Variants in ZNF143 observed in about 807,000 individuals in gnomAD.
ZNF143 encodes the protein SPH-binding factor.
Under a neutral mutation model 74.1 loss-of-function variants are expected in ZNF143, and 49 were observed. That is an observed-to-expected ratio of 0.66 (90% confidence interval 0.53 to 0.84). ZNF143 has a LOEUF of 0.84. Ranked by LOEUF, ZNF143 falls within the 40% of genes least tolerant of loss-of-function variation. The pLI is 0.00. For synonymous variants in ZNF143, 304 were observed against 282.8 expected (o/e 1.07, Z -0.75); for missense variants, 637 against 793.4 (o/e 0.80, Z 2.37).
intron 7 of ZNF143, among the ~76,000 whole-genome samples, chr11:9,484,799 G>GTTTTTTTGTTTT (rs1316309780): frequency 4.1e-5 from 1 of 24,244 alleles, no homozygotes; most frequent in Non-Finnish European, 7.1e-5. Flanking sequence ...CCTGGCCAAA[G>GTTTTTTTGTTTT]ATTTTTTTTT....
intron 14 of ZNF143, among the ~76,000 whole-genome samples, chr11:9,519,516 T>G (rs1375126953): frequency 2.0e-5 from 3 of 152,338 alleles, no homozygotes; most frequent in Non-Finnish European, 4.4e-5. Flanking sequence ...TGGGTTTTTC[T>G]ACTTAACGTT....
chr11:9,465,540 C>T (rs1856148579), intron 1 of ZNF143, among the ~76,000 whole-genome samples: 1 of 151,756 alleles, frequency 6.6e-6, no homozygotes, highest in South Asian at 2.1e-4. Context: ...CACTCTGTCG[C>T]CCAGGCTGGA....
intron 14 of ZNF143, among the ~76,000 whole-genome samples, chr11:9,518,116 G>T (rs10770037): frequency 1.2e-4 from 18 of 151,916 alleles, no homozygotes; most frequent in African/African-American, 4.1e-4. Flanking sequence ...AAATCATTCC[G>T]TTGCTCATTG....
At chr11:9,483,656 T>A (rs1490755057) in intron 7 of ZNF143, among the ~76,000 whole-genome samples, 1 of 150,648 alleles carries the variant, frequency 6.6e-6, no homozygotes, top group Non-Finnish European at 1.5e-5. Flanking sequence ...TAGGCTGGAG[T>A]GCAATGGTGC....
chr11:9,498,912 A>G (rs750109104), intron 10 of ZNF143, among the ~76,000 whole-genome samples: 3 of 152,202 alleles, frequency 2.0e-5, no homozygotes, highest in Non-Finnish European at 2.9e-5. Context: ...TTACTTTACA[A>G]CATTGAGGAA....
chr11:9,497,556 C>T, intron 9 of ZNF143, 119 bp from the exon 10 acceptor site: 1 of 774,390 alleles, frequency 1.3e-6, no homozygotes, highest in East Asian at 3.2e-5. Flanking sequence ...AATAGTTATT[C>T]TGTGTATTTG....
intron 11 of ZNF143, among the ~76,000 whole-genome samples, chr11:9,502,392 G>A (rs1368925946): frequency 1.3e-5 from 2 of 150,584 alleles, no homozygotes; most frequent in African/African-American, 2.5e-5. Context: ...AGCGGATCAC[G>A]AGGTCAGGAT....
chr11:9,522,465 T>C (rs765166417), intron 14 of ZNF143, among the ~76,000 whole-genome samples: 67 of 152,346 alleles, frequency 4.4e-4, no homozygotes, highest in South Asian at 1.0e-3. Context: ...GGTGTTGTCT[T>C]ACAAGTTGCT....
chr11:9,485,073 A>C (rs1233952735), intron 7 of ZNF143, among the ~76,000 whole-genome samples: 1 of 150,768 alleles, frequency 6.6e-6, no homozygotes, highest in African/African-American at 2.5e-5. Flanking sequence ...CTAGGATTAC[A>C]GGCGTGACCC....
At chr11:9,467,083 G>C (rs1365591773) in intron 1 of ZNF143, among the ~76,000 whole-genome samples, 1 of 151,526 alleles carries the variant, frequency 6.6e-6, no homozygotes, top group Non-Finnish European at 1.5e-5. Flanking sequence ...TAGTAGAGAC[G>C]GGGTTTCACC....
At chr11:9,467,864 A>C (rs928286739) in intron 1 of ZNF143, among the ~76,000 whole-genome samples, 2 of 151,664 alleles carry the variant, frequency 1.3e-5, no homozygotes, top group Non-Finnish European at 2.9e-5. Flanking sequence ...AAAAAAAAAA[A>C]AAGTTGTCTG....
chr11:9,525,114 C>T, intron 14 of ZNF143, 126 bp from the exon 15 acceptor site: 1 of 1,092,652 alleles, frequency 9.2e-7, no homozygotes. Flanking sequence ...TAGGCTTTGA[C>T]AAGTCTATGG....
chr11:9,479,678 T>C (rs1847162259), intron 7 of ZNF143, 132 bp downstream of exon 7: 1 of 636,890 alleles, frequency 1.6e-6, no homozygotes, highest in Non-Finnish European at 2.6e-6. Flanking sequence ...AATGTATGTA[T>C]TGGGCAGCAG....
chr11:9,479,668 A>C (rs969625839), intron 7 of ZNF143, 122 bp downstream of exon 7: 3 of 717,342 alleles, frequency 4.2e-6, no homozygotes, highest in Non-Finnish European at 4.5e-6. Context: ...TCAGAAAAAC[A>C]ATGTATGTAT....
chr11:9,504,389 A>G (rs1848279525), intron 11 of ZNF143, among the ~76,000 whole-genome samples: 1 of 126,836 alleles, frequency 7.9e-6, no homozygotes, highest in South Asian at 2.6e-4. Flanking sequence ...AATTCGAGAG[A>G]CTTGAATCCA....
Position 9,501,223 on chromosome 11 carries a change from C to T in ZNF143, c.1100C>T (p.Ala367Val). The T allele has an allele frequency of 6.2e-7, 1 of 1,614,144 alleles. No individual in the cohort carries two copies. The highest frequency in any genetic ancestry group is 8.5e-7 in the Non-Finnish European group (1 of 1,180,022). The change falls in exon 11 of 16, where the codon GCA becomes GTA. Residue 367 changes from alanine to valine, a missense_variant. Physicochemically the swap from Ala to Val is moderately conservative, Grantham distance 64. Transcript: ENST00000396602. ...TGCACAGAGCCAGGATGTGGGAGGG[C>T]ATTTGCCAGTGCAACAAATTATAAA... ...YYCTEPGCGR[A>V]FASATNYKNH...
At chr11:9,511,822 G>A (rs1294936783) in intron 12 of ZNF143, among the ~76,000 whole-genome samples, 1 of 148,072 alleles carries the variant, frequency 6.8e-6, no homozygotes, top group Non-Finnish European at 1.5e-5. Flanking sequence ...CGTGATCTCG[G>A]CTCACTGCAA....
intron 7 of ZNF143, among the ~76,000 whole-genome samples, chr11:9,484,301 C>G (rs1019799961): frequency 1.3e-5 from 2 of 151,386 alleles, no homozygotes; most frequent in Non-Finnish European, 2.9e-5. Context: ...TTAACTGATT[C>G]ACCTGCCTCA....
chr11:9,522,937 AT>A (rs879608537), intron 14 of ZNF143, among the ~76,000 whole-genome samples: 170 of 122,140 alleles, frequency 1.4e-3, no homozygotes, highest in African/African-American at 2.8e-3. Flanking sequence ...AATTTTTTGT[AT>A]TTTTTTTTTT....
Sources: gnomAD v4.1 joint callset for allele counts (sites outside exome capture counted in the v4.1 genomes callset) on GRCh38, gnomAD v4.1.1 for gene constraint, MANE v1.5 for transcripts, NCBI Gene and HGNC (gene_info 2026-07-23, HGNC 2026-07-21) for gene names.